Variants in LRRC49 observed in about 807,000 individuals in gnomAD.
LRRC49 encodes leucine-rich repeat-containing protein 49.
Under a neutral mutation model 83.3 loss-of-function variants are expected in LRRC49, and 50 were observed. The observed-to-expected ratio is 0.60, with a 90% CI of 0.48 to 0.76. The LOEUF is 0.76. LRRC49 is among the 30% of genes least tolerant of loss of function. LRRC49 has a pLI of 0.00. For missense variants in LRRC49, 704 were observed against 809.1 expected (o/e 0.87, Z 1.58); for synonymous variants, 286 against 283.3 (o/e 1.01, Z -0.10).
chr15:70,907,294 A>G (rs2034354344), intron 5 of LRRC49, among the ~76,000 whole-genome samples: 1 of 152,220 alleles, frequency 6.6e-6, no homozygotes, highest in African/African-American at 2.4e-5. Flanking sequence ...CAGTGGAACC[A>G]TATATGGAAA....
chr15:70,891,958 T>G (rs765849167), upstream of LRRC49: 22 of 1,613,500 alleles, frequency 1.4e-5, no homozygotes, highest in African/African-American at 2.7e-4. Flanking sequence ...GGCGGCCTGC[T>G]TGGTCTCCCT....
intron 7 of LRRC49, among the ~76,000 whole-genome samples, chr15:70,929,052 A>G (rs960667628): frequency 6.6e-6 from 1 of 152,066 alleles, no homozygotes; most frequent in African/African-American, 2.4e-5. Context: ...CTTATCACTT[A>G]TCTGGTTCTA....
Position 70,933,232 on chromosome 15 carries a change from CA to C in LRRC49, c.712-3523del, listed in dbSNP as rs759079638. ...CATAAAATAGTTTTGAATTTTACTTCAAAAAATGTTTTGAATATTATTTTCA... is the reference window on the plus strand; with the variant it reads ...CATAAAATAGTTTTGAATTTTACTTCAAAAATGTTTTGAATATTATTTTCA... On this transcript the variant is annotated intron_variant, in intron 7 of 15. Coordinates refer to ENST00000260382, the MANE Select transcript of LRRC49 (RefSeq NM_017691.5). 3.7e-3 allele frequency among the ~76,000 whole-genome samples: 557 copies of C among 151,906 alleles called. 3 individuals carry two copies. Among genetic ancestry groups the C allele is most frequent in the Non-Finnish European group, 3.9e-3 (267 of 67,960 alleles).
intron 11 of LRRC49, among the ~76,000 whole-genome samples, chr15:70,993,408 A>G (rs1368496361): frequency 6.6e-6 from 1 of 152,200 alleles, no homozygotes; most frequent in African/African-American, 2.4e-5. Context: ...CTGTCCAACA[A>G]GCCCCAGTAA....
At chr15:70,890,255 T>C (rs2033518065), upstream of LRRC49, among the ~76,000 whole-genome samples, 1 of 152,134 alleles carries the variant, frequency 6.6e-6, no homozygotes, top group African/African-American at 2.4e-5. Flanking sequence ...GCTACACACA[T>C]ATATATGTAT....
chr15:70,882,688 T>C, intron 2 of LRRC49: 1 of 1,611,848 alleles, frequency 6.2e-7, no homozygotes, highest in Non-Finnish European at 8.5e-7. Context: ...TGAGTTAGAC[T>C]TTGCTTTTCA....
intron 5 of LRRC49, among the ~76,000 whole-genome samples, chr15:70,909,435 A>C (rs1244996147): frequency 6.6e-6 from 1 of 152,214 alleles, no homozygotes; most frequent in African/African-American, 2.4e-5. Flanking sequence ...CTTCTCTAAT[A>C]GCTATTAGAA....
At chr15:70,881,210 T>C (rs1463152857) in intron 2 of LRRC49, 2 of 152,168 alleles carry the variant, frequency 1.3e-5, no homozygotes, top group Non-Finnish European at 2.9e-5. Context: ...GCCTGGGCGA[T>C]AGAACATGAC....
chr15:71,026,960 G>T (rs2039193082), intron 14 of LRRC49, among the ~76,000 whole-genome samples: 1 of 152,114 alleles, frequency 6.6e-6, no homozygotes, highest in African/African-American at 2.4e-5. Flanking sequence ...TATCCCATTT[G>T]TCAATTTTGG....
intron 15 of LRRC49, among the ~76,000 whole-genome samples, chr15:71,047,950 A>G (rs963244586): frequency 2.0e-5 from 3 of 150,444 alleles, no homozygotes; most frequent in African/African-American, 7.4e-5. Flanking sequence ...TAATTTTTAT[A>G]TTTTTAGTAG....
chr15:71,029,543 G>A (rs140853294), intron 14 of LRRC49, among the ~76,000 whole-genome samples: 1 of 152,178 alleles, frequency 6.6e-6, no homozygotes, highest in African/African-American at 2.4e-5. Context: ...GGTTCGCTTG[G>A]TCCAGAGCTG....
upstream of LRRC49, chr15:70,891,751 C>T: frequency 1.7e-6 from 2 of 1,183,832 alleles, no homozygotes; most frequent in Non-Finnish European, 1.2e-6. Flanking sequence ...CAGGAACTTT[C>T]GAGATGAGGT....
chr15:70,932,842 G>A (rs553403173), intron 7 of LRRC49, among the ~76,000 whole-genome samples: 11 of 145,656 alleles, frequency 7.6e-5, no homozygotes, highest in South Asian at 2.2e-4. Context: ...CAATTCTCCC[G>A]TCTCAGCCTC....
At chr15:70,968,201 T>C (rs2036861450) in intron 9 of LRRC49, among the ~76,000 whole-genome samples, 1 of 152,118 alleles carries the variant, frequency 6.6e-6, no homozygotes, top group African/African-American at 2.4e-5. Flanking sequence ...TGTGTTCTCA[T>C]TGTTAAACTC....
chr15:70,990,611 C>T (rs893777569), intron 11 of LRRC49, among the ~76,000 whole-genome samples: 3 of 152,208 alleles, frequency 2.0e-5, no homozygotes, highest in African/African-American at 7.2e-5. Context: ...CCTCACCCTG[C>T]TTCGGCTCAT....
At chr15:71,031,137 A>G (rs896340101) in intron 14 of LRRC49, among the ~76,000 whole-genome samples, 2 of 151,996 alleles carry the variant, frequency 1.3e-5, no homozygotes, top group Non-Finnish European at 1.5e-5. Context: ...ATCTTTGTGG[A>G]TTTATCTACC....
chr15:70,898,987 T>C (rs911665118), intron 3 of LRRC49, among the ~76,000 whole-genome samples: 2 of 152,172 alleles, frequency 1.3e-5, no homozygotes, highest in African/African-American at 2.4e-5. Flanking sequence ...GTATGGTAGA[T>C]TTAAGGCCTT....
At chr15:71,019,156 T>C (rs2038916843) in intron 14 of LRRC49, among the ~76,000 whole-genome samples, 1 of 152,054 alleles carries the variant, frequency 6.6e-6, no homozygotes, top group East Asian at 1.9e-4. Context: ...ATAAATGAAA[T>C]CATTGGCTAT....
chr15:71,034,781 A>T (rs2039468738), intron 14 of LRRC49, among the ~76,000 whole-genome samples: 1 of 152,218 alleles, frequency 6.6e-6, no homozygotes, highest in African/African-American at 2.4e-5. Flanking sequence ...GCCTCAGCGG[A>T]CTAACACAGG....
Sources: gnomAD v4.1 joint callset for allele counts (sites outside exome capture counted in the v4.1 genomes callset) on GRCh38, gnomAD v4.1.1 for gene constraint, MANE v1.5 for transcripts, NCBI Gene and HGNC (gene_info 2026-07-23, HGNC 2026-07-21) for gene names.